Variants in TDRD15 observed in about 807,000 individuals in gnomAD.
The protein encoded by TDRD15 is tudor domain containing 15.
For synonymous variants in TDRD15, 503 were observed against 314.5 expected (o/e 1.60, Z -6.34); for missense variants, 1,416 against 904.7 (o/e 1.57, Z -7.25).
chr2:21,145,666 T>G (rs542734403), downstream of TDRD15, among the ~76,000 whole-genome samples: 3 of 152,088 alleles, frequency 2.0e-5, no homozygotes, highest in Admixed American at 2.0e-4. Flanking sequence ...AGTAATAAAT[T>G]TCCATACTTG....
Position 21,138,391 on chromosome 2 carries a change from A to G in TDRD15, c.924A>G (p.Gly308=). The change falls in exon 4 of 4, where the codon GGA becomes GGG. Residue 308 remains glycine (G), a synonymous_variant. Coordinates refer to ENST00000405799, the MANE Select transcript of TDRD15 (RefSeq NM_001306137.2). ...ARRRNGQWHR[G]ILQQLLPPNQ... ...GGCGAAATGGACAGTGGCATAGAGG[A>G]ATTCTTCAGCAGCTCTTGCCCCCAA... 1 of 716,334 alleles carries G rather than the reference A, an allele frequency of 1.4e-6. No individual in the cohort carries two copies. The highest frequency in any genetic ancestry group is 2.6e-6 in the Non-Finnish European group (1 of 384,348). 44.4% of individuals were successfully genotyped at this position (716,334 alleles called of 1,614,324 possible). A position where few individuals can be genotyped will look rare whatever the true frequency, so the allele number is the denominator to read the frequency against.
chr2:21,143,176 A>G lies in TDRD15; in HGVS notation c.5709A>G (p.Ala1903=). ...TCATTCATGAGAAAAACAATTTGGC[A>G]GATATATTAGTTGCATCTGGTCTCG... ...VDVIHEKNNL[A]DILVASGLAT... is the part of the protein sequence containing the mutation. The change falls in exon 4 of 4, where the codon GCA becomes GCG. Residue 1903 remains alanine, a synonymous_variant. Transcript: ENST00000405799. 1.4e-6 allele frequency: 1 copy of G among 705,940 alleles called. No homozygotes were observed. The highest frequency in any genetic ancestry group is 2.6e-6 in the Non-Finnish European group (1 of 381,202). The allele number at this position is 705,940 out of a possible 1,614,324, so 43.7% of individuals were successfully genotyped here.
intron 2 of TDRD15, among the ~76,000 whole-genome samples, chr2:21,132,936 A>G (rs1665747805): frequency 1.3e-5 from 2 of 152,102 alleles, no homozygotes; most frequent in East Asian, 1.9e-4. Flanking sequence ...TAGGATATTC[A>G]GCGGCATCCC....
rs893213856 is a variant in TDRD15 at position 21,142,317 on chromosome 2, T to C, written c.4850T>C (p.Ile1617Thr). Residue 1617 changes from isoleucine (I) to threonine (T), a missense_variant, in exon 4 of 4, where the codon ATA (isoleucine) becomes ACA (threonine). Coordinates refer to ENST00000405799, the MANE Select transcript of TDRD15 (RefSeq NM_001306137.2). ...VFLVDCGIYE[I>T]VPVCNTKLLS... Reference sequence around the variant, plus strand: ...TTAGTAGATTGTGGTATCTATGAAATAGTACCTGTATGTAATACCAAGCTG... The same window carrying C: ...TTAGTAGATTGTGGTATCTATGAAACAGTACCTGTATGTAATACCAAGCTG... The C allele has an allele frequency of 7.5e-5, 52 of 689,256 alleles. No homozygotes were observed. The highest frequency in any genetic ancestry group is 1.2e-4 in the Non-Finnish European group (46 of 376,442). 42.7% of individuals were successfully genotyped at this position (689,256 alleles called of 1,614,324 possible).
Position 21,138,893 on chromosome 2 carries a change from G to A in TDRD15, c.1426G>A (p.Val476Ile). ...ILKVGFPIKT[V>I]QMEIEAAYIA... ...AAAAGTAGGTTTTCCCATTAAAACA[G>A]TACAAATGGAGATAGAGGCTGCCTA... is the stretch of plus-strand genomic sequence containing the variant. The change falls in exon 4 of 4, where the codon GTA (valine) becomes ATA (isoleucine). Residue 476 changes from valine to isoleucine, a missense_variant. By Grantham distance (29) the Val-to-Ile change is conservative. Coordinates refer to ENST00000405799, the MANE Select transcript of TDRD15 (RefSeq NM_001306137.2). 1.4e-6 allele frequency: 1 copy of A among 715,740 alleles called. No individual in the cohort carries two copies. Among genetic ancestry groups the A allele is most frequent in the Non-Finnish European group, 2.6e-6 (1 of 384,056 alleles). The allele number at this position is 715,740 out of a possible 1,614,324, so 44.3% of individuals were successfully genotyped here. A position where few individuals can be genotyped will look rare whatever the true frequency, so the allele number is the denominator to read the frequency against.
chr2:21,132,318 T>A (rs1214649221), intron 2 of TDRD15, among the ~76,000 whole-genome samples: 1 of 152,136 alleles, frequency 6.6e-6, no homozygotes, highest in Non-Finnish European at 1.5e-5. Flanking sequence ...CCACTGATTT[T>A]TTTTTTCTCT....
At position 21,138,453 on chromosome 2, in the gene TDRD15, G is replaced by A. The variant is rs1282287447; in HGVS notation, c.986G>A (p.Ser329Asn). 1 of 715,092 alleles carries A rather than the reference G, an allele frequency of 1.4e-6. No homozygotes were observed. Among genetic ancestry groups the A allele is most frequent in the Non-Finnish European group, 2.6e-6 (1 of 383,958 alleles). The allele number at this position is 715,092 out of a possible 1,614,324, so 44.3% of individuals were successfully genotyped here. ...ATTTGGTTTATGGATTATGGCAGTA[G>A]CGAGGCTATACCCTCAATTTATGTA... ...VKIWFMDYGSSEAIPSIYVKK... is the reference protein window; with the variant it reads ...VKIWFMDYGSNEAIPSIYVKK... Residue 329 changes from serine (S) to asparagine (N), a missense_variant, in exon 4 of 4, where the codon AGC becomes AAC. Coordinates refer to ENST00000405799, the MANE Select transcript of TDRD15 (RefSeq NM_001306137.2).
rs752169879 is a variant in TDRD15, at chr2:21,139,524, C to T, written c.2057C>T (p.Ser686Phe). Reference sequence around the variant, plus strand: ...GAATATTCAATGCTAAATTCAGAATCTAAAAACAAAGTTAATATTAAAAAA... The same window carrying T: ...GAATATTCAATGCTAAATTCAGAATTTAAAAACAAAGTTAATATTAAAAAA... The part of the protein sequence containing the change: ...VSEYSMLNSE[S>F]KNKVNIKKVI... The change falls in exon 4 of 4, where the codon TCT becomes TTT. Residue 686 changes from serine (S) to phenylalanine (F), a missense_variant. By Grantham distance (155) the Ser-to-Phe change is radical (BLOSUM62 -2). Transcript: ENST00000405799. The T allele has an allele frequency of 1.4e-6, 1 of 700,090 alleles. No homozygotes were observed. Among genetic ancestry groups the T allele is most frequent in the Non-Finnish European group, 2.6e-6 (1 of 380,186 alleles). 43.4% of individuals were successfully genotyped at this position (700,090 alleles called of 1,614,324 possible). A position where few individuals can be genotyped will look rare whatever the true frequency, so the allele number is the denominator to read the frequency against.
At position 21,143,178 on chromosome 2, in the gene TDRD15, A is replaced by C; in HGVS notation, c.5711A>C (p.Asp1904Ala). Reference sequence around the variant, plus strand: ...ATTCATGAGAAAAACAATTTGGCAGATATATTAGTTGCATCTGGTCTCGCA... The same window carrying C: ...ATTCATGAGAAAAACAATTTGGCAGCTATATTAGTTGCATCTGGTCTCGCA... ...DVIHEKNNLADILVASGLATY... is the reference protein window; with the variant it reads ...DVIHEKNNLAAILVASGLATY... Residue 1904 changes from aspartate (D) to alanine (A), a missense_variant, in exon 4 of 4, where the codon GAT becomes GCT. Physicochemically the swap from Asp to Ala is moderately radical, Grantham distance 126. Transcript: ENST00000405799. 1 of 706,422 alleles carries C rather than the reference A, an allele frequency of 1.4e-6. No homozygotes were observed. Among genetic ancestry groups the C allele is most frequent in the South Asian group, 1.5e-5 (1 of 65,050 alleles). 43.8% of individuals were successfully genotyped at this position (706,422 alleles called of 1,614,324 possible). A position where few individuals can be genotyped will look rare whatever the true frequency, so the allele number is the denominator to read the frequency against.
chr2:21,125,506 C>T (rs1364348358), intron 1 of TDRD15, among the ~76,000 whole-genome samples: 2 of 148,122 alleles, frequency 1.4e-5, no homozygotes, highest in Non-Finnish European at 3.0e-5. Context: ...TGTGTGTGTG[C>T]GTGAGAGAGA....
At chr2:21,145,578 C>T (rs1558303076), downstream of TDRD15, among the ~76,000 whole-genome samples, 1 of 151,714 alleles carries the variant, frequency 6.6e-6, no homozygotes, top group Non-Finnish European at 1.5e-5. Flanking sequence ...TACTTCAGAA[C>T]GTAAATTTGA....
In TDRD15 at chr2:21,138,224, C is replaced by G. The variant is rs1338610935; in HGVS notation, c.757C>G (p.Pro253Ala). 5 of 715,954 alleles carry G rather than the reference C, an allele frequency of 7.0e-6. No individual in the cohort carries two copies. Among genetic ancestry groups the G allele is most frequent in the Non-Finnish European group, 1.3e-5 (5 of 384,316 alleles). The allele number at this position is 715,954 out of a possible 1,614,324, so 44.4% of individuals were successfully genotyped here. A position where few individuals can be genotyped will look rare whatever the true frequency, so the allele number is the denominator to read the frequency against. The part of the protein sequence containing the change: ...ESVKVSSALS[P>A]SKFYCQLIKW... ...TGTAAAGGTATCATCTGCATTGAGC[C>G]CAAGTAAATTTTATTGTCAGTTAAT... The change falls in exon 4 of 4, where the codon CCA becomes GCA. Residue 253 changes from proline (P) to alanine (A), a missense_variant. By Grantham distance (27) the Pro-to-Ala change is conservative. Coordinates refer to ENST00000405799, the MANE Select transcript of TDRD15 (RefSeq NM_001306137.2).
downstream of TDRD15, among the ~76,000 whole-genome samples, chr2:21,146,402 G>A (rs1558303288): frequency 6.6e-6 from 1 of 152,014 alleles, no homozygotes; most frequent in Non-Finnish European, 1.5e-5. Context: ...TAACATCAGT[G>A]TTTAGATATT....
chr2:21,128,855 C>T (rs1407543033), intron 2 of TDRD15, among the ~76,000 whole-genome samples: 10 of 148,004 alleles, frequency 6.8e-5, no homozygotes, highest in African/African-American at 7.5e-5. Context: ...TAGAGAAATT[C>T]GAAGTGGAAA....
chr2:21,129,849 T>G (rs1171320153), intron 2 of TDRD15, among the ~76,000 whole-genome samples: 1 of 152,186 alleles, frequency 6.6e-6, no homozygotes, highest in Non-Finnish European at 1.5e-5. Flanking sequence ...GAAAAGGAAT[T>G]TATTTCTTAC....
In TDRD15 at chr2:21,143,468, G is replaced by A. The variant is rs977617393; in HGVS notation, c.*196G>A. Among the ~76,000 whole-genome samples, 1 of 151,552 alleles carries A rather than the reference G, an allele frequency of 6.6e-6. No individual in the cohort carries two copies. Among genetic ancestry groups the A allele is most frequent in the Non-Finnish European group, 1.5e-5 (1 of 67,624 alleles). On this transcript the variant is annotated 3_prime_UTR_variant, in exon 4 of 4. Transcript: ENST00000405799. The stretch of plus-strand genomic sequence containing the variant: ...AATTTAACAGTGAGAAAGAAAGTTG[G>A]TAGTGGAAAACATTTCCAGAGTACC...
intron 2 of TDRD15, among the ~76,000 whole-genome samples, 180 bp downstream of exon 2, chr2:21,127,891 T>C (rs1160748416): frequency 6.6e-6 from 1 of 152,234 alleles, no homozygotes; most frequent in East Asian, 1.9e-4. Context: ...TGGGGAGAAT[T>C]GATACCTTAA....
chr2:21,138,849 T>C lies in TDRD15; in HGVS notation c.1382T>C (p.Leu461Pro). 1.4e-6 allele frequency: 1 copy of C among 714,932 alleles called. No individual in the cohort carries two copies. The highest frequency in any genetic ancestry group is 2.6e-6 in the Non-Finnish European group (1 of 383,848). 44.3% of individuals were successfully genotyped at this position (714,932 alleles called of 1,614,324 possible). A position where few individuals can be genotyped will look rare whatever the true frequency, so the allele number is the denominator to read the frequency against. Residue 461 changes from leucine to proline, a missense_variant, in exon 4 of 4, where the codon CTA (leucine) becomes CCA (proline). By Grantham distance (98) the Leu-to-Pro change is moderately conservative. Coordinates refer to ENST00000405799, the MANE Select transcript of TDRD15 (RefSeq NM_001306137.2). ...MGNIEWSIDS[L>P]NKKGILKVGF... ...AATATTGAATGGTCAATAGACTCTC[T>C]AAATAAAAAAGGCATTTTAAAAGTA... is the stretch of plus-strand genomic sequence containing the variant.
Position 21,143,044 on chromosome 2 carries a change from A to G in TDRD15, c.5577A>G (p.Lys1859=), listed in dbSNP as rs13002500. 1 of 691,350 alleles carries G rather than the reference A, an allele frequency of 1.4e-6. No homozygotes were observed. Among genetic ancestry groups the G allele is most frequent in the East Asian group, 2.7e-5 (1 of 37,020 alleles). The allele number at this position is 691,350 out of a possible 1,614,324, so 42.8% of individuals were successfully genotyped here. A position where few individuals can be genotyped will look rare whatever the true frequency, so the allele number is the denominator to read the frequency against. Residue 1859 remains lysine, a synonymous_variant, in exon 4 of 4, where the codon AAA becomes AAG. Transcript: ENST00000405799. Reference sequence around the variant, plus strand: ...ATGGTATCTTACCTGCTAAAGGAAAACATTGGAGTGAAGAAGCCAAAATCT... The same window carrying G: ...ATGGTATCTTACCTGCTAAAGGAAAGCATTGGAGTGAAGAAGCCAAAATCT... ...ILYGILPAKG[K]HWSEEAKIFF... is the part of the protein sequence containing the mutation.
Sources: gnomAD v4.1 joint callset for allele counts (sites outside exome capture counted in the v4.1 genomes callset) on GRCh38, gnomAD v4.1.1 for gene constraint, MANE v1.5 for transcripts, NCBI Gene and HGNC (gene_info 2026-07-23, HGNC 2026-07-21) for gene names.